The following TNR variants were observed in gnomAD, a reference collection of about 807,000 sequenced individuals.
The protein encoded by TNR is tenascin R.
TNR carries 45 observed loss-of-function variants against 150.4 expected under a neutral mutation model. That is an observed-to-expected ratio of 0.30 (90% CI 0.24 to 0.38). The LOEUF (loss-of-function observed/expected upper bound fraction) is 0.38. TNR is among the 10% of genes least tolerant of loss of function. The probability of loss-of-function intolerance (pLI) is 1.00; values close to 1 mark genes in which losing one functional copy is unlikely to be tolerated. For missense variants in TNR, 1,544 were observed against 1,759.1 expected (o/e 0.88, Z 2.19); for synonymous variants, 687 against 678.4 (o/e 1.01, Z -0.20).
At chr1:175,489,305 C>G (rs1349906148) in intron 2 of TNR, among the ~76,000 whole-genome samples, 2 of 152,204 alleles carry the variant, frequency 1.3e-5, no homozygotes. Context: ...TCCCCAGGTA[C>G]TCTGCCATCT....
intron 4 of TNR, among the ~76,000 whole-genome samples, chr1:175,401,758 CT>C (rs989203378): frequency 1.3e-5 from 2 of 152,162 alleles, no homozygotes; most frequent in Admixed American, 6.5e-5. Flanking sequence ...GCTTACCAGG[CT>C]TTCCCCCTTA....
At chr1:175,616,808 C>T (rs1404115655) in intron 1 of TNR, among the ~76,000 whole-genome samples, 1 of 152,198 alleles carries the variant, frequency 6.6e-6, no homozygotes, top group Non-Finnish European at 1.5e-5. Context: ...TGCTACCAAC[C>T]TCCTGTGTGG....
chr1:175,703,062 A>C (rs973137741), intron 1 of TNR, among the ~76,000 whole-genome samples: 11 of 152,144 alleles, frequency 7.2e-5, no homozygotes, highest in Non-Finnish European at 1.3e-4. Flanking sequence ...AAGAAGTAAA[A>C]AAAAAAAATG....
At chr1:175,365,825 T>C (rs747737306) in intron 11 of TNR, 50 bp downstream of exon 11, 15 of 1,578,998 alleles carry the variant, frequency 9.5e-6, no homozygotes, top group Non-Finnish European at 1.2e-5. Context: ...TTTCTCACAC[T>C]GAGATCCACT....
chr1:175,479,459 G>T (rs1310595341), intron 2 of TNR, among the ~76,000 whole-genome samples: 1 of 152,124 alleles, frequency 6.6e-6, no homozygotes, highest in African/African-American at 2.4e-5. Flanking sequence ...TCTCCAAGTG[G>T]GTGGGGTAGA....
At chr1:175,729,312 T>C (rs1449862345) in intron 1 of TNR, among the ~76,000 whole-genome samples, 4 of 152,170 alleles carry the variant, frequency 2.6e-5, no homozygotes, top group Non-Finnish European at 5.9e-5. Flanking sequence ...AGCCTCATCC[T>C]CTTTCCAGAA....
intron 2 of TNR, among the ~76,000 whole-genome samples, chr1:175,444,249 C>CCCCT (rs989869477): frequency 2.0e-5 from 3 of 152,102 alleles, no homozygotes; most frequent in Non-Finnish European, 4.4e-5. Context: ...AGAGGAGGGA[C>CCCCT]CCCTGCAAGA....
chr1:175,331,001 C>CTTTCTTTCT (rs1649727976), intron 20 of TNR, among the ~76,000 whole-genome samples: 1 of 25,908 alleles, frequency 3.9e-5, no homozygotes, highest in African/African-American at 1.6e-4. Flanking sequence ...CTTGGTGATT[C>CTTTCTTTCT]TTTCTTTCTT....
intron 2 of TNR, among the ~76,000 whole-genome samples, chr1:175,421,165 G>A (rs969426466): frequency 1.3e-5 from 2 of 152,154 alleles, no homozygotes; most frequent in African/African-American, 4.8e-5. Context: ...GAGAGTGAGT[G>A]AAGTCAAAGC....
chr1:175,678,224 A>G (rs1665922673), intron 1 of TNR, among the ~76,000 whole-genome samples: 1 of 152,094 alleles, frequency 6.6e-6, no homozygotes, highest in Non-Finnish European at 1.5e-5. Context: ...TGAGTACCCC[A>G]TGGAAGGTGG....
At chr1:175,729,217 A>G (rs563422133) in intron 1 of TNR, among the ~76,000 whole-genome samples, 24 of 152,258 alleles carry the variant, frequency 1.6e-4, no homozygotes, top group Admixed American at 7.8e-4. Context: ...CAGCCACAGT[A>G]TAAATGCCCC....
In TNR at chr1:175,379,757, A is replaced by G; in HGVS notation, c.1778-20T>C. 7 of 1,612,818 alleles carry G rather than the reference A, an allele frequency of 4.3e-6. No homozygotes were observed. The highest frequency in any genetic ancestry group is 5.1e-6 in the Non-Finnish European group (6 of 1,179,236). On this transcript the variant is annotated intron_variant, in intron 8 of 22. Transcript: ENST00000367674. The stretch of plus-strand genomic sequence containing the variant: ...CGATCTCTAAAAATAGACAGACATC[A>G]CCAACATCGCACATGATAATGTAAT...
chr1:175,455,443 G>A (rs1052408381), intron 2 of TNR, among the ~76,000 whole-genome samples: 6 of 152,196 alleles, frequency 3.9e-5, no homozygotes, highest in Middle Eastern at 3.2e-3. Context: ...ATAAGTAGGC[G>A]TTTCCCCTTT....
Position 175,386,007 on chromosome 1 carries a change from C to T in TNR, c.1777+25G>A, listed in dbSNP as rs778196675. 12 of 1,536,902 alleles carry T rather than the reference C, an allele frequency of 7.8e-6. No homozygotes were observed. In the Admixed American group the frequency reaches 8.1e-5, roughly 10 times the overall value. On this transcript the variant is annotated intron_variant, in intron 8 of 22. Transcript: ENST00000367674. The stretch of plus-strand genomic sequence containing the variant: ...CTCCACCCCTCTTTCCCTCCTTGTG[C>T]GTCTCTCCCCCACCGCAGCCTTACC...
chr1:175,599,798 T>G lies in TNR; in HGVS notation c.-164-71429A>C, dbSNP rs988036714. On this transcript the variant is annotated intron_variant, in intron 1 of 22. Coordinates refer to ENST00000367674, the MANE Select transcript of TNR (RefSeq NM_003285.3). This position sits in a 1 kb window ranked among gnomAD's most constrained non-coding sequence, Gnocchi z 4.7. ...TCTCACAACCGTTTTCTGTCCCACT[T>G]GAAACCAGAAAATACACTTCCCAGA... Among the ~76,000 whole-genome samples the G allele has an allele frequency of 6.6e-6, 1 of 152,204 alleles. No homozygotes were observed. Among genetic ancestry groups the G allele is most frequent in the Non-Finnish European group, 1.5e-5 (1 of 68,038 alleles).
At chr1:175,502,121 C>A (rs1251448472) in intron 2 of TNR, among the ~76,000 whole-genome samples, 1 of 152,148 alleles carries the variant, frequency 6.6e-6, no homozygotes, top group African/African-American at 2.4e-5. Context: ...GATTAACTGA[C>A]CCCCCATGCC....
At chr1:175,464,231 A>G (rs1236923244) in intron 2 of TNR, among the ~76,000 whole-genome samples, 1 of 152,240 alleles carries the variant, frequency 6.6e-6, no homozygotes, top group Non-Finnish European at 1.5e-5. Context: ...GCACTTCTGA[A>G]TGAGGGGCAA....
chr1:175,526,686 A>G (rs1289217131), intron 2 of TNR, among the ~76,000 whole-genome samples: 1 of 152,244 alleles, frequency 6.6e-6, no homozygotes, highest in Non-Finnish European at 1.5e-5. Flanking sequence ...AGCTTTTAAA[A>G]TAAGCTGCTT....
intron 1 of TNR, among the ~76,000 whole-genome samples, chr1:175,548,531 T>C (rs1458932013): frequency 3.9e-5 from 6 of 152,118 alleles, no homozygotes; most frequent in Non-Finnish European, 7.4e-5. Flanking sequence ...TCCCTCTTCC[T>C]ATATCCGCTC....
Sources: gnomAD v4.1 joint callset for allele counts (sites outside exome capture counted in the v4.1 genomes callset) on GRCh38, gnomAD v4.1.1 for gene constraint, Gnocchi (gnomAD v3.1) non-coding constraint, MANE v1.5 for transcripts, NCBI Gene and HGNC (gene_info 2026-07-23, HGNC 2026-07-21) for gene names.